MAP3K7CL: variants seen among roughly 807,000 people sequenced by gnomAD.
MAP3K7CL encodes MAP3K7 C-terminal like.
MAP3K7CL carries 16 observed loss-of-function variants against 18.6 expected under a neutral mutation model. The observed-to-expected ratio is 0.86, with a 90% CI of 0.58 to 1.31. The LOEUF (loss-of-function observed/expected upper bound fraction) is 1.31, where lower values mean the gene tolerates loss of function less well. MAP3K7CL is among the 50% of genes most tolerant of loss of function. MAP3K7CL has a pLI of 0.00. For missense variants in MAP3K7CL, 163 were observed against 174.4 expected (o/e 0.93, Z 0.37); for synonymous variants, 65 against 66.8 (o/e 0.97, Z 0.13).
In MAP3K7CL at chr21:29,160,101, G is replaced by C. The variant is rs568991967; in HGVS notation, c.248+45G>C. The C allele has an allele frequency of 7.0e-5, 106 of 1,514,806 alleles. 3 individuals are homozygous for C. The South Asian group carries it at 1.1e-3, about 16-fold the overall frequency. The allele number at this position is 1,514,806 out of a possible 1,614,324, so 93.8% of individuals were successfully genotyped here. A position where few individuals can be genotyped will look rare whatever the true frequency, so the allele number is the denominator to read the frequency against. ...ACTCTACATCTGAGCACTGCCTACTGGGCAAGGACCAGGGGCAATGGGCAG... is the reference window on the plus strand; with the variant it reads ...ACTCTACATCTGAGCACTGCCTACTCGGCAAGGACCAGGGGCAATGGGCAG... On this transcript the variant is annotated intron_variant, in intron 4 of 4. Coordinates refer to ENST00000399928, the MANE Select transcript of MAP3K7CL (RefSeq NM_001286620.2).
At chr21:29,163,108 C>T (rs1249680164) in intron 4 of MAP3K7CL, among the ~76,000 whole-genome samples, 2 of 151,366 alleles carry the variant, frequency 1.3e-5, no homozygotes, top group African/African-American at 4.9e-5. Context: ...GAGACTGTCT[C>T]AAAAAAATAA....
chr21:29,159,169 G>A (rs967285225), intron 3 of MAP3K7CL, among the ~76,000 whole-genome samples: 1 of 151,966 alleles, frequency 6.6e-6, no homozygotes, highest in Admixed American at 6.6e-5. Context: ...GATCCACCTG[G>A]CCTAAAAGTA....
chr21:29,143,217 C>T (rs558230339), intron 2 of MAP3K7CL, among the ~76,000 whole-genome samples: 10 of 152,008 alleles, frequency 6.6e-5, no homozygotes, highest in Non-Finnish European at 1.5e-4. Flanking sequence ...GCGTGGGGCC[C>T]GTCTGGAGGG....
intron 4 of MAP3K7CL, among the ~76,000 whole-genome samples, chr21:29,092,897 C>T (rs1568930563): frequency 6.6e-6 from 1 of 152,162 alleles, no homozygotes; most frequent in Non-Finnish European, 1.5e-5. Context: ...CTCAGGCTCA[C>T]TATGACTTTT....
At chr21:29,086,551 G>A (rs898026985) in intron 1 of MAP3K7CL, among the ~76,000 whole-genome samples, 2 of 152,182 alleles carry the variant, frequency 1.3e-5, no homozygotes, top group African/African-American at 2.4e-5. Flanking sequence ...TTTGCTCTAG[G>A]CTGATCAACA....
upstream of MAP3K7CL, chr21:29,077,591 TC>T (rs1236217271): frequency 6.4e-6 from 1 of 156,136 alleles, no homozygotes; most frequent in Admixed American, 6.5e-5. Flanking sequence ...GCTGAAGGGC[TC>T]CTCAAGTGCC....
intron 1 of MAP3K7CL, among the ~76,000 whole-genome samples, chr21:29,090,065 A>G (rs1218947598): frequency 2.6e-5 from 4 of 152,224 alleles, no homozygotes; most frequent in African/African-American, 9.6e-5. Flanking sequence ...ATCAGTGATG[A>G]CAGCAGTAGA....
At chr21:29,132,006 T>C (rs2086789633) in intron 1 of MAP3K7CL, among the ~76,000 whole-genome samples, 1 of 152,216 alleles carries the variant, frequency 6.6e-6, no homozygotes, top group Non-Finnish European at 1.5e-5. Flanking sequence ...ATTTATACTT[T>C]GCCATTTTTA....
At chr21:29,128,309 T>TC (rs1195291472), upstream of MAP3K7CL, 2 of 151,976 alleles carry the variant, frequency 1.3e-5, no homozygotes, top group East Asian at 3.9e-4. Flanking sequence ...AATTAAATTT[T>TC]TTTTTTTTTT....
intron 4 of MAP3K7CL, among the ~76,000 whole-genome samples, chr21:29,118,517 A>G (rs988645637): frequency 6.6e-6 from 1 of 152,116 alleles, no homozygotes; most frequent in African/African-American, 2.4e-5. Flanking sequence ...TGGGATGGTA[A>G]ATGGAAGCAG....
At chr21:29,087,589 C>CTTTTTTTTTTTTTT (rs56775764) in intron 1 of MAP3K7CL, among the ~76,000 whole-genome samples, 13 of 104,348 alleles carry the variant, frequency 1.2e-4, no homozygotes, top group East Asian at 3.0e-4. Flanking sequence ...TTTTCTTTTT[C>CTTTTTTTTTTTTTT]TTTTTTTTTT....
At chr21:29,173,797 G>A (rs762844639) in intron 4 of MAP3K7CL, among the ~76,000 whole-genome samples, 8 of 152,056 alleles carry the variant, frequency 5.3e-5, no homozygotes, top group Non-Finnish European at 1.0e-4. Context: ...AACCTCCCAC[G>A]CTCAAGTGAT....
At chr21:29,082,416 C>T (rs1007712689), upstream of MAP3K7CL, among the ~76,000 whole-genome samples, 3 of 152,058 alleles carry the variant, frequency 2.0e-5, no homozygotes, top group Non-Finnish European at 2.9e-5. Flanking sequence ...CCAAGCTTTA[C>T]TGTATTAGGC....
intron 4 of MAP3K7CL, among the ~76,000 whole-genome samples, chr21:29,117,027 G>C (rs769836278): frequency 6.6e-6 from 1 of 152,112 alleles, no homozygotes; most frequent in Non-Finnish European, 1.5e-5. Context: ...CTCACCTTGA[G>C]TAAGGCTTTT....
At chr21:29,091,652 TC>T (rs1295636325) in intron 2 of MAP3K7CL, 1 of 701,388 alleles carries the variant, frequency 1.4e-6, no homozygotes, top group Non-Finnish European at 2.6e-6. Context: ...AGTTTTTCTT[TC>T]TTTTTTTTTC....
chr21:29,154,391 CTTT>C (rs34978405), intron 3 of MAP3K7CL, among the ~76,000 whole-genome samples: 4 of 147,732 alleles, frequency 2.7e-5, no homozygotes, highest in Admixed American at 6.8e-5. Flanking sequence ...AACAATATGA[CTTT>C]TTTTTTTTTT....
Position 29,130,691 on chromosome 21 carries a change from T to A in MAP3K7CL, c.-272T>A. Reference sequence around the variant, plus strand: ...AGGCAAGGAAAGGAGAGAGGGGTTGTGAAGGGAAGCGGAAGGGAAGGGAAG... The same window carrying A: ...AGGCAAGGAAAGGAGAGAGGGGTTGAGAAGGGAAGCGGAAGGGAAGGGAAG... On this transcript the variant is annotated 5_prime_UTR_variant, in exon 1 of 5. Coordinates refer to ENST00000399928, the MANE Select transcript of MAP3K7CL (RefSeq NM_001286620.2). The A allele has an allele frequency of 1.0e-6, 1 of 985,470 alleles. No individual in the cohort carries two copies. The highest frequency in any genetic ancestry group is 1.2e-6 in the Non-Finnish European group (1 of 829,992). The allele number at this position is 985,470 out of a possible 1,614,324, so 61.0% of individuals were successfully genotyped here. A position where few individuals can be genotyped will look rare whatever the true frequency, so the allele number is the denominator to read the frequency against.
At chr21:29,166,092 C>T (rs1378706192) in intron 4 of MAP3K7CL, among the ~76,000 whole-genome samples, 1 of 152,178 alleles carries the variant, frequency 6.6e-6, no homozygotes, top group Non-Finnish European at 1.5e-5. Flanking sequence ...CAGGAGAACA[C>T]CAGAAGTTAT....
chr21:29,098,684 C>T (rs2086166375), intron 4 of MAP3K7CL, among the ~76,000 whole-genome samples: 1 of 152,192 alleles, frequency 6.6e-6, no homozygotes, highest in African/African-American at 2.4e-5. Context: ...CTTGTGTTCA[C>T]CTAGCTAGTA....
Sources: gnomAD v4.1 joint callset for allele counts (sites outside exome capture counted in the v4.1 genomes callset) on GRCh38, gnomAD v4.1.1 for gene constraint, MANE v1.5 for transcripts, NCBI Gene and HGNC (gene_info 2026-07-23, HGNC 2026-07-21) for gene names.